Variants in CAMSAP2 observed in about 807,000 individuals in gnomAD.
CAMSAP2 encodes calmodulin regulated spectrin associated protein family member 2, also known as calmodulin-regulated spectrin-associated protein 2.
Under a neutral mutation model 146.1 loss-of-function variants are expected in CAMSAP2, and 26 were observed. The ratio of observed to expected loss-of-function variants is 0.18; its 90% confidence interval spans 0.13 to 0.25. The LOEUF is 0.25. Ranked by LOEUF, CAMSAP2 falls within the 10% of genes least tolerant of loss-of-function variation. The probability of loss-of-function intolerance (pLI) is 1.00; values close to 1 mark genes in which losing one functional copy is unlikely to be tolerated. For missense variants in CAMSAP2, 1,381 were observed against 1,759.3 expected (o/e 0.78, Z 3.85); for synonymous variants, 499 against 596.6 (o/e 0.84, Z 2.38).
At chr1:200,772,430 G>A (rs112797119) in intron 2 of CAMSAP2, among the ~76,000 whole-genome samples, 3 of 152,034 alleles carry the variant, frequency 2.0e-5, no homozygotes, top group Non-Finnish European at 2.9e-5. Context: ...ACAACATGGC[G>A]AAACCCCGTC....
intron 2 of CAMSAP2, among the ~76,000 whole-genome samples, chr1:200,802,431 A>G (rs997319601): frequency 6.6e-6 from 1 of 152,222 alleles, no homozygotes; most frequent in African/African-American, 2.4e-5. Context: ...TTAAAGATAA[A>G]TGAAACTTAT....
At position 200,848,930 on chromosome 1, in the gene CAMSAP2, A is replaced by C; in HGVS notation, c.2161A>C (p.Ile721Leu). The part of the protein sequence containing the change: ...KTTPEGSELN[I>L]PHVVAWAQIP... ...TACACCAGAAGGCTCTGAACTTAATATTCCTCATGTGGTTGCTTGGGCACA... is the reference window on the plus strand; with the variant it reads ...TACACCAGAAGGCTCTGAACTTAATCTTCCTCATGTGGTTGCTTGGGCACA... The change falls in exon 11 of 17, where the codon ATT (isoleucine) becomes CTT (leucine). Residue 721 changes from isoleucine to leucine, a missense_variant. Coordinates refer to ENST00000358823, the MANE Select transcript of CAMSAP2 (RefSeq NM_203459.4). 2 of 1,614,196 alleles carry C rather than the reference A, an allele frequency of 1.2e-6. No individual in the cohort carries two copies. Among genetic ancestry groups the C allele is most frequent in the Non-Finnish European group, 1.7e-6 (2 of 1,180,012 alleles).
At chr1:200,770,369 G>C (rs1665081911) in intron 2 of CAMSAP2, among the ~76,000 whole-genome samples, 1 of 151,674 alleles carries the variant, frequency 6.6e-6, no homozygotes, top group African/African-American at 2.4e-5. Flanking sequence ...TGCTTATTCT[G>C]TTTACACCAT....
chr1:200,830,882 C>G, intron 4 of CAMSAP2, among the ~76,000 whole-genome samples: 1 of 152,088 alleles, frequency 6.6e-6, no homozygotes, highest in Non-Finnish European at 1.5e-5. Context: ...GAATTTTGTC[C>G]TTGGGTAGCC....
chr1:200,760,718 G>A, intron 1 of CAMSAP2, 121 bp from the exon 2 acceptor site: 2 of 679,394 alleles, frequency 2.9e-6, no homozygotes, highest in Non-Finnish European at 4.7e-6. Flanking sequence ...CAGTTAAAGG[G>A]TTATTGCTAT....
intron 2 of CAMSAP2, among the ~76,000 whole-genome samples, chr1:200,768,835 G>C (rs766164260): frequency 8.5e-5 from 13 of 152,058 alleles, no homozygotes; most frequent in Non-Finnish European, 1.5e-4. Context: ...TGTATTTTTA[G>C]TAGAGACAGG....
intron 3 of CAMSAP2, among the ~76,000 whole-genome samples, chr1:200,810,208 G>T (rs1277574607): frequency 1.3e-5 from 2 of 152,174 alleles, no homozygotes; most frequent in Non-Finnish European, 2.9e-5. Flanking sequence ...TACTAATGCT[G>T]CTGGTTTGGG....
intron 2 of CAMSAP2, among the ~76,000 whole-genome samples, chr1:200,793,547 C>G (rs908250016): frequency 2.0e-5 from 3 of 152,188 alleles, no homozygotes; most frequent in Non-Finnish European, 2.9e-5. Context: ...GGAAGGGTTG[C>G]TGCAGAGAAA....
chr1:200,841,959 C>A, intron 6 of CAMSAP2, 35 bp from the exon 7 acceptor site: 1 of 1,412,668 alleles, frequency 7.1e-7, no homozygotes, highest in Non-Finnish European at 1.0e-6. Context: ...TGAAGTTTTA[C>A]CTAATGTAGG....
chr1:200,823,028 A>T (rs2102195843), intron 4 of CAMSAP2, among the ~76,000 whole-genome samples: 1 of 152,328 alleles, frequency 6.6e-6, no homozygotes, highest in East Asian at 1.9e-4. Context: ...CTACCACTGT[A>T]AATAGCCTAT....
chr1:200,841,174 A>G, intron 6 of CAMSAP2, among the ~76,000 whole-genome samples: 1 of 152,242 alleles, frequency 6.6e-6, no homozygotes, highest in East Asian at 1.9e-4. Flanking sequence ...ATTAAAAATT[A>G]GCTATAAAAA....
At chr1:200,856,400 A>G (rs1293293755) in intron 15 of CAMSAP2, among the ~76,000 whole-genome samples, 1 of 152,220 alleles carries the variant, frequency 6.6e-6, no homozygotes, top group African/African-American at 2.4e-5. Context: ...GTTCCTCAGT[A>G]CTGAGTAAAG....
Position 200,858,039 on chromosome 1 carries a change from C to G in CAMSAP2, c.4417C>G (p.Leu1473Val), listed in dbSNP as rs1667790396. ...CAAAAGACCAGTAACACCCAAAAAA[C>G]TTTTACCCACTAAGGCATAGAAGTT... Reference protein sequence around the residue: ...QTKRPVTPKKLLPTKA With the variant: ...QTKRPVTPKKVLPTKA Residue 1473 changes from leucine to valine, a missense_variant, in exon 17 of 17, where the codon CTT (leucine) becomes GTT (valine). Physicochemically the swap from Leu to Val is conservative, Grantham distance 32. This residue lies in a region of CAMSAP2 where 90 missense variants were observed against 174.4 expected (regional missense o/e 0.52). Transcript: ENST00000358823. 2 of 1,594,402 alleles carry G rather than the reference C, an allele frequency of 1.3e-6. No individual in the cohort carries two copies. The highest frequency in any genetic ancestry group is 1.7e-6 in the Non-Finnish European group (2 of 1,172,754).
At chr1:200,854,973 GTTT>G in intron 14 of CAMSAP2, 84 bp downstream of exon 14, 1 of 1,019,094 alleles carries the variant, frequency 9.8e-7, no homozygotes, top group Non-Finnish European at 1.4e-6. Flanking sequence ...ATTCTTCAGT[GTTT>G]TTACATTTTA....
At position 200,808,855 on chromosome 1, in the gene CAMSAP2, G is replaced by A. The variant is rs562065897; in HGVS notation, c.561+1318G>A. ...TTCATATTTGTCCATCTTGAACTTA[G>A]ATTTTTATAAGTACTCTCAGTTCTT... On this transcript the variant is annotated intron_variant, in intron 3 of 16. Coordinates refer to ENST00000358823, the MANE Select transcript of CAMSAP2 (RefSeq NM_203459.4). Among the ~76,000 whole-genome samples the A allele has an allele frequency of 4.6e-5, 7 of 152,254 alleles. No individual in the cohort carries two copies. The South Asian group carries it at 1.5e-3, about 32-fold the overall frequency.
intron 12 of CAMSAP2, 137 bp downstream of exon 12, chr1:200,852,814 G>A (rs1480242247): frequency 3.4e-6 from 3 of 891,136 alleles, no homozygotes; most frequent in Non-Finnish European, 4.9e-6. Context: ...GAAGTTTGTA[G>A]TATAGATAGA....
At chr1:200,816,146 T>A (rs897468653) in intron 4 of CAMSAP2, among the ~76,000 whole-genome samples, 2 of 151,656 alleles carry the variant, frequency 1.3e-5, no homozygotes, top group African/African-American at 4.9e-5. Flanking sequence ...ATACAAAAAT[T>A]AGCTGGGCAT....
chr1:200,782,776 T>TTC (rs1571748653), intron 2 of CAMSAP2, among the ~76,000 whole-genome samples: 1 of 149,224 alleles, frequency 6.7e-6, no homozygotes, highest in African/African-American at 2.5e-5. Context: ...GTATTTTCAT[T>TTC]TCTCTCTTTT....
chr1:200,800,219 TC>T, intron 2 of CAMSAP2, among the ~76,000 whole-genome samples: 1 of 152,338 alleles, frequency 6.6e-6, no homozygotes, highest in East Asian at 1.9e-4. Flanking sequence ...GTCCTGAATA[TC>T]CTTGTTGATT....
Sources: gnomAD v4.1 joint callset for allele counts (sites outside exome capture counted in the v4.1 genomes callset) on GRCh38, gnomAD v4.1.1 for gene constraint, gnomAD v4.1.1 regional missense constraint, MANE v1.5 for transcripts, NCBI Gene and HGNC (gene_info 2026-07-23, HGNC 2026-07-21) for gene names.